Variants in TCF25 observed in about 807,000 individuals in gnomAD.
TCF25 encodes the protein TCF25 ribosome quality control complex subunit, also known as ribosome quality control complex subunit TCF25.
TCF25 carries 41 observed loss-of-function variants against 83.1 expected under a neutral mutation model. That is an observed-to-expected ratio of 0.49 (90% confidence interval 0.38 to 0.64). The LOEUF (loss-of-function observed/expected upper bound fraction) is 0.64, where lower values mean the gene tolerates loss of function less well. TCF25 is among the 30% of genes least tolerant of loss of function. The pLI is 0.00. For synonymous variants in TCF25, 458 were observed against 365.0 expected (o/e 1.25, Z -2.90); for missense variants, 979 against 914.5 (o/e 1.07, Z -0.91).
At chr16:89,876,610 G>A (rs138044899) in intron 1 of TCF25, among the ~76,000 whole-genome samples, 24,257 of 151,916 alleles carry the variant, frequency 0.16, 2,100 homozygotes, top group Middle Eastern at 0.37. Flanking sequence ...GGCCAACATG[G>A]TGAAACCCCA....
In TCF25 at chr16:89,905,051, A is replaced by C. The variant is rs1416065396; in HGVS notation, c.1583A>C (p.Gln528Pro). 23 of 1,603,900 alleles carry C rather than the reference A, an allele frequency of 1.4e-5. 1 individual carries two copies. In the Middle Eastern group the frequency reaches 1.8e-3, roughly 127 times the overall value. Residue 528 changes from glutamine to proline, a missense_variant, in exon 14 of 18, where the codon CAA becomes CCA. Transcript: ENST00000263346. ...GAGGAGAACGTCCACGAGGTTCTGCAAGCAGTGGACGCCGGGGACCCAGCC... is the reference window on the plus strand; with the variant it reads ...GAGGAGAACGTCCACGAGGTTCTGCCAGCAGTGGACGCCGGGGACCCAGCC... ...WLEENVHEVL[Q>P]AVDAGDPAVE... is the part of the protein sequence containing the mutation.
At chr16:89,903,954 A>G (rs2044562670) in intron 12 of TCF25, among the ~76,000 whole-genome samples, 164 bp from the exon 13 acceptor site, 1 of 152,166 alleles carries the variant, frequency 6.6e-6, no homozygotes, top group Non-Finnish European at 1.5e-5. Context: ...AGCAGCAGCA[A>G]CTCAGAATAC....
intron 3 of TCF25, among the ~76,000 whole-genome samples, chr16:89,885,523 A>C (rs185591665): frequency 6.6e-6 from 1 of 152,232 alleles, no homozygotes; most frequent in Non-Finnish European, 1.5e-5. Flanking sequence ...TCCTGAGACA[A>C]GGGTGTAGCT....
chr16:89,887,647 C>A lies in TCF25; in HGVS notation c.549-5C>A. On this transcript the variant is annotated splice_polypyrimidine_tract_variant and splice_region_variant and intron_variant, in intron 4 of 17. Transcript: ENST00000263346. ...GTTTTTTTTCTACAATTTTCAATTC[C>A]CCAGACACTTGAATCCAGACACAGA... 6.3e-7 allele frequency: 1 copy of A among 1,578,136 alleles called. No homozygotes were observed. The highest frequency in any genetic ancestry group is 1.2e-5 in the South Asian group (1 of 85,048).
intron 14 of TCF25, 114 bp from the exon 15 acceptor site, chr16:89,906,080 A>G: frequency 1.1e-6 from 1 of 891,646 alleles, no homozygotes; most frequent in South Asian, 1.6e-5. Context: ...TGCAGCCACC[A>G]GAGATGCAGC....
At chr16:89,879,872 C>T (rs550426673) in intron 1 of TCF25, among the ~76,000 whole-genome samples, 1 of 149,168 alleles carries the variant, frequency 6.7e-6, no homozygotes, top group Non-Finnish European at 1.5e-5. Context: ...ACGTGTTGTC[C>T]GTGTGCACAG....
At position 89,893,713 on chromosome 16, in the gene TCF25, A is replaced by G; in HGVS notation, c.698-15A>G. The G allele has an allele frequency of 4.3e-6, 7 of 1,612,566 alleles. No individual in the cohort carries two copies. The highest frequency in any genetic ancestry group is 5.9e-6 in the Non-Finnish European group (7 of 1,179,710). The stretch of plus-strand genomic sequence containing the variant: ...TGCTCCCGGCACACCCTCCCTGAGC[A>G]CTCTCCCCTCCCAGGTCTGTCCATG... On this transcript the variant is annotated splice_polypyrimidine_tract_variant and intron_variant, in intron 6 of 17. Transcript: ENST00000263346.
intron 1 of TCF25, among the ~76,000 whole-genome samples, chr16:89,880,565 CAG>C (rs1385143375): frequency 6.6e-6 from 1 of 150,998 alleles, no homozygotes; most frequent in Non-Finnish European, 1.5e-5. Flanking sequence ...GCCTGGGCAA[CAG>C]AGCAAGACTC....
Position 89,881,335 on chromosome 16 carries a change from G to A in TCF25, c.193-2016G>A, listed in dbSNP as rs543712807. Among the ~76,000 whole-genome samples the A allele has an allele frequency of 1.2e-4, 18 of 152,226 alleles. 1 individual carries two copies. In the South Asian group the frequency reaches 3.7e-3, roughly 32 times the overall value. On this transcript the variant is annotated intron_variant, in intron 1 of 17. Coordinates refer to ENST00000263346, the MANE Select transcript of TCF25 (RefSeq NM_014972.3). ...TTCTGAGGTTTGTGGTTTTCAAGAT[G>A]TTTTAAATTAAACAGGCAGTTTTAT...
chr16:89,909,330 T>C, intron 16 of TCF25: 1 of 374,494 alleles, frequency 2.7e-6, no homozygotes, highest in South Asian at 2.2e-5. Context: ...GCCAACGTGC[T>C]GAAAACCCGT....
At chr16:89,904,596 A>G (rs2144253268) in intron 13 of TCF25, 22 of 490,898 alleles carry the variant, frequency 4.5e-5, no homozygotes, top group South Asian at 4.5e-4. Context: ...AAATAAACAA[A>G]GAGGGAGCAA....
rs761692827 is a variant in TCF25, at chr16:89,904,105, G to A, written c.1382-13G>A. 6.2e-6 allele frequency: 10 copies of A among 1,600,328 alleles called. No individual in the cohort carries two copies. Among genetic ancestry groups the A allele is most frequent in the South Asian group, 1.1e-5 (1 of 88,832 alleles). On this transcript the variant is annotated splice_polypyrimidine_tract_variant and intron_variant, in intron 12 of 17. Transcript: ENST00000263346. ...TGCTGAGGGCCCCCACAGAGCCTCC[G>A]CTTCCCCTGCAGTCCTCCTGCCCCT...
chr16:89,898,429 G>A, intron 9 of TCF25, 128 bp from the exon 10 acceptor site: 1 of 834,584 alleles, frequency 1.2e-6, no homozygotes, highest in South Asian at 1.5e-5. Context: ...AGTGTGTGGG[G>A]TGGAATGGGT....
intron 6 of TCF25, among the ~76,000 whole-genome samples, 200 bp downstream of exon 6, chr16:89,892,475 C>A (rs1418915938): frequency 6.6e-6 from 1 of 152,088 alleles, no homozygotes; most frequent in Non-Finnish European, 1.5e-5. Context: ...GCTCCAGGAG[C>A]GCTCCAGGAG....
intron 5 of TCF25, among the ~76,000 whole-genome samples, chr16:89,891,389 G>A (rs2043416168): frequency 6.6e-6 from 1 of 152,228 alleles, no homozygotes; most frequent in South Asian, 2.1e-4. Context: ...TCCACTCTGC[G>A]GTGGCTGAAC....
intron 8 of TCF25, among the ~76,000 whole-genome samples, chr16:89,895,598 C>T (rs1445032790): frequency 1.3e-5 from 2 of 152,256 alleles, no homozygotes; most frequent in Non-Finnish European, 2.9e-5. Flanking sequence ...AGTAATACTC[C>T]ACTGTGTGGA....
chr16:89,902,982 C>T (rs542025862), intron 12 of TCF25, among the ~76,000 whole-genome samples: 1 of 152,330 alleles, frequency 6.6e-6, no homozygotes, highest in Admixed American at 6.5e-5. Flanking sequence ...CCCAGAGGGG[C>T]CTGGCCAGGC....
At position 89,900,693 on chromosome 16, in the gene TCF25, T is replaced by C. The variant is rs748021135; in HGVS notation, c.1280T>C (p.Phe427Ser). Residue 427 changes from phenylalanine to serine, a missense_variant, in exon 12 of 18, where the codon TTC (phenylalanine) becomes TCC (serine). Transcript: ENST00000263346. Reference sequence around the variant, plus strand: ...GCCTTCTCTGTTCCACTGGCGTATTTCCTGCTGAGCCAGCAGACAGACCTC... The same window carrying C: ...GCCTTCTCTGTTCCACTGGCGTATTCCCTGCTGAGCCAGCAGACAGACCTC... ...NFAFSVPLAY[F>S]LLSQQTDLPE... The C allele has an allele frequency of 1.9e-6, 3 of 1,605,714 alleles. No individual in the cohort carries two copies. Among genetic ancestry groups the C allele is most frequent in the South Asian group, 1.1e-5 (1 of 90,870 alleles).
In TCF25 at chr16:89,885,961, G is replaced by A; in HGVS notation, c.543G>A (p.Glu181=). ...LSSRKHVLYV[E]HRHLNPDTEL... The stretch of plus-strand genomic sequence containing the variant: ...CCAGGAAGCACGTTCTCTACGTGGA[G>A]CACAGGTGTGGCCCCCGCCCTTCTC... The change falls in exon 4 of 18, where the codon GAG becomes GAA. Residue 181 remains glutamate (E), a synonymous_variant. Coordinates refer to ENST00000263346, the MANE Select transcript of TCF25 (RefSeq NM_014972.3). 6.7e-7 allele frequency: 1 copy of A among 1,486,690 alleles called. No homozygotes were observed. The highest frequency in any genetic ancestry group is 8.9e-7 in the Non-Finnish European group (1 of 1,118,402). 92.1% of individuals were successfully genotyped at this position (1,486,690 alleles called of 1,614,324 possible). A position where few individuals can be genotyped will look rare whatever the true frequency, so the allele number is the denominator to read the frequency against.
Sources: gnomAD v4.1 joint callset for allele counts (sites outside exome capture counted in the v4.1 genomes callset) on GRCh38, gnomAD v4.1.1 for gene constraint, MANE v1.5 for transcripts, NCBI Gene and HGNC (gene_info 2026-07-23, HGNC 2026-07-21) for gene names.